GLDC: variants seen among roughly 807,000 people sequenced by gnomAD.
GLDC encodes glycine decarboxylase, also known as glycine dehydrogenase (decarboxylating), mitochondrial.
Under a neutral mutation model 121.3 loss-of-function variants are expected in GLDC, and 104 were observed. The ratio of observed to expected loss-of-function variants is 0.86; its 90% CI spans 0.73 to 1.01. The LOEUF (loss-of-function observed/expected upper bound fraction) is 1.01, where lower values mean the gene tolerates loss of function less well. Among genes scored for constraint, GLDC ranks in the 50% least tolerant of loss-of-function variants. The probability of loss-of-function intolerance (pLI) is 0.00; values close to 1 mark genes in which losing one functional copy is unlikely to be tolerated. For missense variants in GLDC, 1,429 were observed against 1,306.6 expected (o/e 1.09, Z -1.44); for synonymous variants, 546 against 480.6 (o/e 1.14, Z -1.78).
intron 16 of GLDC, among the ~76,000 whole-genome samples, chr9:6,561,220 G>C (rs1011219622): frequency 6.6e-6 from 1 of 152,216 alleles, no homozygotes; most frequent in Non-Finnish European, 1.5e-5. Flanking sequence ...CTGGTACAAG[G>C]AGCGATGGAA....
chr9:6,627,929 A>C lies in GLDC; in HGVS notation c.335-7610T>G, dbSNP rs547257878. ...ACTTTGGCCAGATCTGCAGGAGAACAAACCCAGTGTACCTAGAAGCCCAGA... is the reference window on the plus strand; with the variant it reads ...ACTTTGGCCAGATCTGCAGGAGAACCAACCCAGTGTACCTAGAAGCCCAGA... On this transcript the variant is annotated intron_variant, in intron 2 of 24. Transcript: ENST00000321612. Among the ~76,000 whole-genome samples the C allele has an allele frequency of 2.0e-5, 3 of 152,348 alleles. No homozygotes were observed. The East Asian group carries it at 5.8e-4, about 29-fold the overall frequency.
At chr9:6,571,238 C>T (rs1817960766) in intron 15 of GLDC, among the ~76,000 whole-genome samples, 1 of 152,072 alleles carries the variant, frequency 6.6e-6, no homozygotes, top group Non-Finnish European at 1.5e-5. Flanking sequence ...AACAGTAGCC[C>T]CCTCTTATCT....
At chr9:6,574,675 G>A (rs1277765541) in intron 15 of GLDC, among the ~76,000 whole-genome samples, 1 of 152,020 alleles carries the variant, frequency 6.6e-6, no homozygotes, top group Non-Finnish European at 1.5e-5. Flanking sequence ...TACATTTCCC[G>A]AAAGACGGCT....
At position 6,587,135 on chromosome 9, in the gene GLDC, C is replaced by G. The variant is rs768874148; in HGVS notation, c.1850+6G>C. ...GCTGAAACAATAAGAAAAGAAATGC[C>G]CTTACCTGTTTGGCTGGAAACAGAC... On this transcript the variant is annotated splice_donor_region_variant and intron_variant, in intron 15 of 24. Transcript: ENST00000321612. The G allele has an allele frequency of 1.2e-6, 2 of 1,610,478 alleles. No individual in the cohort carries two copies. Among genetic ancestry groups the G allele is most frequent in the South Asian group, 2.2e-5 (2 of 90,956 alleles).
chr9:6,565,213 T>C, intron 16 of GLDC, 141 bp downstream of exon 16: 2 of 761,526 alleles, frequency 2.6e-6, no homozygotes, highest in South Asian at 1.4e-5. Context: ...TAATGGCTAG[T>C]TCACAGAAAT....
chr9:6,591,785 T>C (rs1818379811), intron 11 of GLDC: 1 of 288,504 alleles, frequency 3.5e-6, no homozygotes, highest in South Asian at 3.8e-5. Flanking sequence ...GGTTTCTCCA[T>C]GTTGGTCAGG....
chr9:6,555,932 T>C (rs913747545), intron 18 of GLDC, among the ~76,000 whole-genome samples: 1 of 152,220 alleles, frequency 6.6e-6, no homozygotes, highest in Admixed American at 6.5e-5. Flanking sequence ...GTCCCCCAAG[T>C]AATCAGGATT....
intron 5 of GLDC, chr9:6,605,788 A>C: frequency 4.5e-6 from 1 of 224,344 alleles, no homozygotes; most frequent in East Asian, 1.1e-4. Context: ...ATATCTACCA[A>C]TAGTGGTTGT....
chr9:6,533,674 C>A lies in GLDC; in HGVS notation c.2920-514G>T, dbSNP rs563276208. On this transcript the variant is annotated intron_variant, in intron 24 of 24. Transcript: ENST00000321612. The stretch of plus-strand genomic sequence containing the variant: ...AGAGGTTCGAGACCAGCCTGATCGA[C>A]ATGGAGAAACCCCATCTCTACTAAA... Among the ~76,000 whole-genome samples the A allele has an allele frequency of 2.0e-5, 3 of 151,962 alleles. No homozygotes were observed. The East Asian group carries it at 5.8e-4, about 29-fold the overall frequency.
chr9:6,634,990 C>G (rs1439649961), intron 2 of GLDC, among the ~76,000 whole-genome samples: 1 of 152,148 alleles, frequency 6.6e-6, no homozygotes, highest in South Asian at 2.1e-4. Flanking sequence ...GGCCCCATAC[C>G]TTGTTTTTCA....
chr9:6,578,469 C>T lies in GLDC; in HGVS notation c.1850+8672G>A, dbSNP rs538576675. On this transcript the variant is annotated intron_variant, in intron 15 of 24. Transcript: ENST00000321612. ...ACAGCTATAAACTTTCCTGTTAGCA[C>T]TGTTTTAGCTACAGCCCGTGATGTT... Among the ~76,000 whole-genome samples, 3 of 152,174 alleles carry T rather than the reference C, an allele frequency of 2.0e-5. No homozygotes were observed. The East Asian group carries it at 5.8e-4, about 29-fold the overall frequency.
chr9:6,623,863 T>A (rs954599477), intron 2 of GLDC, among the ~76,000 whole-genome samples: 19 of 152,298 alleles, frequency 1.2e-4, no homozygotes, highest in Middle Eastern at 3.4e-3. Flanking sequence ...ATAATCTTCT[T>A]AGGGGCAGAA....
At chr9:6,543,321 GC>G in intron 21 of GLDC, among the ~76,000 whole-genome samples, 1 of 152,270 alleles carries the variant, frequency 6.6e-6, no homozygotes, top group Admixed American at 6.5e-5. Context: ...GAGGACGAAG[GC>G]TAATGGAAGC....
intron 3 of GLDC, 141 bp downstream of exon 3, chr9:6,620,043 C>T (rs571475843): frequency 1.4e-5 from 11 of 811,214 alleles, no homozygotes; most frequent in African/African-American, 1.0e-4. Flanking sequence ...CAGAGAAACC[C>T]GGTAGGTTCC....
chr9:6,561,430 C>G (rs1817757405), intron 16 of GLDC, among the ~76,000 whole-genome samples: 1 of 152,180 alleles, frequency 6.6e-6, no homozygotes, highest in African/African-American at 2.4e-5. Flanking sequence ...AGGCGGTTCA[C>G]TTGAGGCCAG....
Position 6,604,775 on chromosome 9 carries a change from A to C in GLDC, c.871T>G (p.Cys291Gly), listed in dbSNP as rs141014950. The C allele has an allele frequency of 1.2e-3, 1,869 of 1,613,844 alleles. 19 individuals carry two copies. The African/African-American group carries it at 0.02, about 17-fold the overall frequency. ...ERAHQSGSLACCATDLLALCI... is the reference protein window; with the variant it reads ...ERAHQSGSLAGCATDLLALCI... ...AAAGCTAAAAGGTCAGTAGCACAGC[A>C]GGCCAGGCTCTAGAAAGGAAGTGAG... The change falls in exon 7 of 25, where the codon TGC becomes GGC. Residue 291 changes from cysteine (C) to glycine (G), a missense_variant. Physicochemically the swap from Cys to Gly is radical, Grantham distance 159. Transcript: ENST00000321612.
intron 2 of GLDC, among the ~76,000 whole-genome samples, chr9:6,642,032 C>A (rs1430436271): frequency 6.6e-6 from 1 of 152,186 alleles, no homozygotes; most frequent in Non-Finnish European, 1.5e-5. Flanking sequence ...CACGTGCACA[C>A]CTCAGAGTCA....
At chr9:6,540,239 G>C in intron 21 of GLDC, 93 bp from the exon 22 acceptor site, 1 of 847,992 alleles carries the variant, frequency 1.2e-6, no homozygotes, top group Non-Finnish European at 2.0e-6. Context: ...AAGTGCATCA[G>C]CTTTTTATGT....
rs759094314 is a variant in GLDC at position 6,589,186 on chromosome 9, C to T, written c.1580+9G>A. 1.9e-5 allele frequency: 30 copies of T among 1,541,284 alleles called. No individual in the cohort carries two copies. The South Asian group carries it at 3.2e-4, about 17-fold the overall frequency. On this transcript the variant is annotated intron_variant, in intron 12 of 24. Transcript: ENST00000321612. ...CACAAAACGCAGAAGTCACACAAGA[C>T]ACACAAACCTGTTGAACACTTGATG...
Sources: gnomAD v4.1 joint callset for allele counts (sites outside exome capture counted in the v4.1 genomes callset) on GRCh38, gnomAD v4.1.1 for gene constraint, MANE v1.5 for transcripts, NCBI Gene and HGNC (gene_info 2026-07-23, HGNC 2026-07-21) for gene names.